PLCXD3: variants seen among roughly 807,000 people sequenced by gnomAD.
The protein encoded by PLCXD3 is phosphatidylinositol specific phospholipase C X domain containing 3.
A neutral mutation model predicts 25.5 loss-of-function variants in PLCXD3; 19 were observed. The ratio of observed to expected loss-of-function variants is 0.75; its 90% CI spans 0.52 to 1.09. The LOEUF (loss-of-function observed/expected upper bound fraction) is 1.09, where lower values mean the gene tolerates loss of function less well. Ranked by LOEUF, PLCXD3 falls within the 50% of genes least tolerant of loss-of-function variation. PLCXD3 has a pLI of 0.00. For missense variants in PLCXD3, 411 were observed against 388.1 expected (o/e 1.06, Z -0.50); for synonymous variants, 174 against 137.6 (o/e 1.26, Z -1.85).
chr5:41,493,909 C>T (rs1441371447), intron 1 of PLCXD3, among the ~76,000 whole-genome samples: 1 of 152,210 alleles, frequency 6.6e-6, no homozygotes, highest in Non-Finnish European at 1.5e-5. Context: ...AATGCCTCGC[C>T]CTGCTTCGGC....
At chr5:41,474,433 G>A (rs117907903) in intron 1 of PLCXD3, among the ~76,000 whole-genome samples, 3 of 152,064 alleles carry the variant, frequency 2.0e-5, no homozygotes, top group Admixed American at 6.5e-5. Context: ...AGCTTCCAAT[G>A]GTATACTGAA....
In PLCXD3 at chr5:41,364,222, G is replaced by A. The variant is rs1034700048; in HGVS notation, c.812+17604C>T. Among the ~76,000 whole-genome samples the A allele has an allele frequency of 7.9e-5, 12 of 152,122 alleles. 1 individual carries two copies. The highest frequency in any genetic ancestry group is 4.6e-4 in the Admixed American group (7 of 15,270). On this transcript the variant is annotated intron_variant, in intron 2 of 2. Transcript: ENST00000377801. ...CCTACTATGCACAAGACAGCTTCCCGCAACGAATTACCTTGCTTAAAATGT... is the reference window on the plus strand; with the variant it reads ...CCTACTATGCACAAGACAGCTTCCCACAACGAATTACCTTGCTTAAAATGT...
intron 2 of PLCXD3, among the ~76,000 whole-genome samples, chr5:41,347,328 CT>C (rs1744329961): frequency 6.6e-6 from 1 of 152,164 alleles, no homozygotes; most frequent in African/African-American, 2.4e-5. Context: ...AAAATGATTT[CT>C]GGTTCACTAA....
chr5:41,336,650 G>A (rs1743988884), intron 2 of PLCXD3, among the ~76,000 whole-genome samples: 1 of 152,240 alleles, frequency 6.6e-6, no homozygotes, highest in East Asian at 1.9e-4. Flanking sequence ...GTTTCTGTCT[G>A]AGAATTGCCC....
intron 1 of PLCXD3, among the ~76,000 whole-genome samples, chr5:41,437,810 G>C (rs1423099516): frequency 1.3e-5 from 2 of 152,164 alleles, no homozygotes; most frequent in Admixed American, 6.5e-5. Context: ...TTTTTCTACA[G>C]ATCTCTTTGG....
At chr5:41,483,005 A>G (rs1317287970) in intron 1 of PLCXD3, among the ~76,000 whole-genome samples, 4 of 152,214 alleles carry the variant, frequency 2.6e-5, no homozygotes, top group African/African-American at 4.8e-5. Context: ...GATATCTTAT[A>G]TAAGTGGAAT....
chr5:41,455,956 A>C (rs933005688), intron 1 of PLCXD3, among the ~76,000 whole-genome samples: 1 of 151,994 alleles, frequency 6.6e-6, no homozygotes, highest in Non-Finnish European at 1.5e-5. Context: ...AGATTGTCGC[A>C]AAGAATAGAA....
At chr5:41,409,035 G>T (rs1406180459) in intron 1 of PLCXD3, among the ~76,000 whole-genome samples, 1 of 152,160 alleles carries the variant, frequency 6.6e-6, no homozygotes, top group African/African-American at 2.4e-5. Flanking sequence ...ACTTGGGAGA[G>T]AACCAGAAGT....
chr5:41,403,404 T>TGTTTGTTTTTGTTTTTG, intron 1 of PLCXD3, among the ~76,000 whole-genome samples: 1 of 34,602 alleles, frequency 2.9e-5, no homozygotes, highest in Non-Finnish European at 7.4e-5. Context: ...ATTTGTTGTT[T>TGTTTGTTTTTGTTTTTG]TTTTTTTTTT....
intron 2 of PLCXD3, among the ~76,000 whole-genome samples, chr5:41,361,927 G>C (rs1744791396): frequency 6.6e-6 from 1 of 152,118 alleles, no homozygotes; most frequent in Admixed American, 6.5e-5. Context: ...TAGAGATATA[G>C]AAAGTGGCTC....
chr5:41,485,185 TA>T (rs1390327739), intron 1 of PLCXD3, among the ~76,000 whole-genome samples: 1 of 152,072 alleles, frequency 6.6e-6, no homozygotes, highest in African/African-American at 2.4e-5. Context: ...TTTTAGGTAA[TA>T]AAAAAGACAT....
At position 41,309,167 on chromosome 5, in the gene PLCXD3, C is replaced by T. The variant is rs148772175; in HGVS notation, c.*4450G>A. ...CATACTTTTGACTCATACAAATATA[C>T]GTTTAAAACTATTACCTACAAAATA... On this transcript the variant is annotated 3_prime_UTR_variant, in exon 3 of 3. Transcript: ENST00000377801. 81 of 152,536 alleles carry T rather than the reference C, an allele frequency of 5.3e-4. 1 individual carries two copies. The highest frequency in any genetic ancestry group is 1.8e-3 in the African/African-American group (75 of 41,524). 9.4% of individuals were successfully genotyped at this position (152,536 alleles called of 1,614,324 possible). A position where few individuals can be genotyped will look rare whatever the true frequency, so the allele number is the denominator to read the frequency against.
At chr5:41,367,139 T>C (rs574366326) in intron 2 of PLCXD3, among the ~76,000 whole-genome samples, 69 of 152,266 alleles carry the variant, frequency 4.5e-4, no homozygotes, top group African/African-American at 1.6e-3. Context: ...ATTTATATTC[T>C]TTTGGGTATG....
At chr5:41,442,036 A>G (rs1440865139) in intron 1 of PLCXD3, among the ~76,000 whole-genome samples, 1 of 152,226 alleles carries the variant, frequency 6.6e-6, no homozygotes, top group East Asian at 1.9e-4. Context: ...CACTATGTCA[A>G]CCTAATTGTT....
chr5:41,499,571 A>G (rs10063143), intron 1 of PLCXD3, among the ~76,000 whole-genome samples: 16,575 of 151,808 alleles, frequency 0.11, 1,285 homozygotes, highest in African/African-American at 0.22. Flanking sequence ...ACCACTCCCC[A>G]AAGGAATCTA....
chr5:41,412,046 T>A (rs1746560849), intron 1 of PLCXD3, among the ~76,000 whole-genome samples: 1 of 151,726 alleles, frequency 6.6e-6, no homozygotes, highest in East Asian at 1.9e-4. Flanking sequence ...ACAGACACAA[T>A]CACATTTCTA....
chr5:41,478,483 A>T (rs1748327669), intron 1 of PLCXD3, among the ~76,000 whole-genome samples: 1 of 152,226 alleles, frequency 6.6e-6, no homozygotes, highest in Non-Finnish European at 1.5e-5. Context: ...TATCTAAAAC[A>T]TCATTAATAA....
At chr5:41,416,768 C>T (rs1258025044) in intron 1 of PLCXD3, among the ~76,000 whole-genome samples, 1 of 152,148 alleles carries the variant, frequency 6.6e-6, no homozygotes, top group Non-Finnish European at 1.5e-5. Flanking sequence ...TTTGCCTATG[C>T]CCCAGTTAGA....
intron 1 of PLCXD3, among the ~76,000 whole-genome samples, chr5:41,435,339 A>G (rs923031151): frequency 6.6e-6 from 1 of 152,164 alleles, no homozygotes; most frequent in Non-Finnish European, 1.5e-5. Flanking sequence ...TCTGTAAGTA[A>G]TCTTCTGATA....
Sources: allele counts gnomAD v4.1 joint callset (sites outside exome capture counted in the v4.1 genomes callset), GRCh38; gene constraint gnomAD v4.1.1; transcripts MANE v1.5; gene names NCBI Gene and HGNC (gene_info 2026-07-23, HGNC 2026-07-21).